Variants in ZCCHC2 observed in about 807,000 individuals in gnomAD.
The protein encoded by ZCCHC2 is zinc finger CCHC domain-containing protein 2.
Under a neutral mutation model 103.6 loss-of-function variants are expected in ZCCHC2, and 39 were observed. The observed-to-expected ratio is 0.38, with a 90% CI of 0.29 to 0.49. ZCCHC2 has a LOEUF of 0.49. ZCCHC2 is among the 20% of genes least tolerant of loss of function. The pLI is 0.96. For missense variants in ZCCHC2, 1,483 were observed against 1,491.0 expected (o/e 0.99, Z 0.09); for synonymous variants, 687 against 608.9 (o/e 1.13, Z -1.89).
At position 62,567,955 on chromosome 18, in the gene ZCCHC2, A is replaced by AAAAAAAAAAAAAAAAAAAAAAAG. The variant is rs1568555841; in HGVS notation, c.1847-2144_1847-2143insAAAAAAAAAAAAAAAAAAGAAAA. 1.3e-4 allele frequency among the ~76,000 whole-genome samples: 20 copies of AAAAAAAAAAAAAAAAAAAAAAAG among 150,154 alleles called. 1 individual carries two copies. Among genetic ancestry groups the AAAAAAAAAAAAAAAAAAAAAAAG allele is most frequent in the African/African-American group, 4.4e-4 (18 of 40,580 alleles). On this transcript the variant is annotated intron_variant, in intron 11 of 13. Transcript: ENST00000269499. ...ATGAGACTCTGTCTCAAAAAAAAAA[A>AAAAAAAAAAAAAAAAAAAAAAAG]AAAAGAATGCTCATCATTGTAGTTT...
intron 2 of ZCCHC2, among the ~76,000 whole-genome samples, chr18:62,542,027 T>C (rs1445917109): frequency 1.3e-5 from 2 of 152,184 alleles, no homozygotes; most frequent in African/African-American, 4.8e-5. Context: ...GGTATATTAC[T>C]TTTGAGTAGT....
chr18:62,523,386 C>G lies in ZCCHC2; in HGVS notation c.-39C>G, dbSNP rs1192565473. The G allele has an allele frequency of 2.0e-6, 2 of 1,002,734 alleles. No individual in the cohort carries two copies. The highest frequency in any genetic ancestry group is 2.4e-6 in the Non-Finnish European group (2 of 839,266). The allele number at this position is 1,002,734 out of a possible 1,614,324, so 62.1% of individuals were successfully genotyped here. A position where few individuals can be genotyped will look rare whatever the true frequency, so the allele number is the denominator to read the frequency against. On this transcript the variant is annotated 5_prime_UTR_variant, in exon 1 of 14. Transcript: ENST00000269499. The stretch of plus-strand genomic sequence containing the variant: ...GTGCTCCACCTCGCGGCCCCTCCCG[C>G]CCGCCCCCGCTCGCATGTCTGCGCC...
exon 15 of ZCCHC2, chr18:62,584,939 G>A (rs987294980): frequency 6.6e-6 from 1 of 152,332 alleles, no homozygotes; most frequent in Non-Finnish European, 1.5e-5. Flanking sequence ...CAGAGCCCAG[G>A]GCAGTGGCTT....
intron 8 of ZCCHC2, among the ~76,000 whole-genome samples, chr18:62,562,177 T>C (rs1431748142): frequency 6.6e-6 from 1 of 152,056 alleles, no homozygotes; most frequent in Non-Finnish European, 1.5e-5. Context: ...TTTTTTTGTA[T>C]TTTTAGTAGA....
chr18:62,569,254 A>G (rs1360706961), intron 11 of ZCCHC2, among the ~76,000 whole-genome samples: 4 of 152,218 alleles, frequency 2.6e-5, no homozygotes, highest in African/African-American at 9.6e-5. Context: ...ATTGCTCATT[A>G]TACAAATTGT....
intron 13 of ZCCHC2, 68 bp downstream of exon 13, chr18:62,575,618 T>C: frequency 6.6e-7 from 1 of 1,513,086 alleles, no homozygotes; most frequent in Non-Finnish European, 9.0e-7. Flanking sequence ...TCCTTATTGA[T>C]CATGGGATTC....
chr18:62,539,868 C>T, intron 2 of ZCCHC2, 76 bp downstream of exon 2: 2 of 1,204,556 alleles, frequency 1.7e-6, no homozygotes, highest in Non-Finnish European at 2.4e-6. Context: ...CTGATTAACT[C>T]TAAACTTTTT....
At chr18:62,527,787 T>A (rs1914500686) in intron 1 of ZCCHC2, among the ~76,000 whole-genome samples, 1 of 152,198 alleles carries the variant, frequency 6.6e-6, no homozygotes, top group Non-Finnish European at 1.5e-5. Context: ...GCTTGGTTTT[T>A]AAAATGGGTG....
chr18:62,560,722 G>T (rs960942583), intron 8 of ZCCHC2, 78 bp downstream of exon 8: 2 of 1,146,172 alleles, frequency 1.7e-6, no homozygotes, highest in African/African-American at 3.1e-5. Flanking sequence ...AATTTCTGAT[G>T]TATTTGGCTA....
intron 5 of ZCCHC2, among the ~76,000 whole-genome samples, chr18:62,550,743 A>G (rs188409924): frequency 6.6e-6 from 1 of 152,348 alleles, no homozygotes; most frequent in African/African-American, 2.4e-5. Context: ...ATACTTATTG[A>G]AAGAGGCCTT....
rs1031716023 is a variant in ZCCHC2, at chr18:62,577,304, A to G, written c.*725A>G. 1.3e-5 allele frequency: 2 copies of G among 152,448 alleles called. No homozygotes were observed. Among genetic ancestry groups the G allele is most frequent in the Non-Finnish European group, 2.9e-5 (2 of 68,054 alleles). The allele number at this position is 152,448 out of a possible 1,614,324, so 9.4% of individuals were successfully genotyped here. A position where few individuals can be genotyped will look rare whatever the true frequency, so the allele number is the denominator to read the frequency against. ...AAAAATATGACGTACGAAATGGACAAAAAGCTTTTTCTGAAACCAACTTTT... is the reference window on the plus strand; with the variant it reads ...AAAAATATGACGTACGAAATGGACAGAAAGCTTTTTCTGAAACCAACTTTT... On this transcript the variant is annotated 3_prime_UTR_variant, in exon 14 of 14. Transcript: ENST00000269499.
intron 12 of ZCCHC2, among the ~76,000 whole-genome samples, chr18:62,571,144 TCTGA>T (rs1916584652): frequency 6.6e-6 from 1 of 152,242 alleles, no homozygotes; most frequent in African/African-American, 2.4e-5. Flanking sequence ...AACAGTTGCT[TCTGA>T]CTAATTATGA....
intron 1 of ZCCHC2, chr18:62,526,350 T>A (rs957317398): frequency 6.6e-6 from 1 of 152,344 alleles, no homozygotes; most frequent in Non-Finnish European, 1.5e-5. Flanking sequence ...GACACTGGGC[T>A]ATTTCTAGAT....
At chr18:62,527,017 C>G (rs1431106120) in intron 1 of ZCCHC2, 1 of 23,810 alleles carries the variant, frequency 4.2e-5, no homozygotes, top group Non-Finnish European at 8.7e-5. Context: ...TTTCCCCCGC[C>G]CCCCCCCCCC....
chr18:62,586,670 T>G (rs1286164114), exon 15 of ZCCHC2: 1 of 152,060 alleles, frequency 6.6e-6, no homozygotes, highest in Admixed American at 6.5e-5. Context: ...TAGTGACACG[T>G]GAAAAATACA....
Position 62,565,036 on chromosome 18 carries a change from A to C in ZCCHC2, c.1786A>C (p.Ser596Arg), listed in dbSNP as rs1437343380. 6.2e-7 allele frequency: 1 copy of C among 1,613,646 alleles called. No individual in the cohort carries two copies. The highest frequency in any genetic ancestry group is 8.5e-7 in the Non-Finnish European group (1 of 1,179,630). The change falls in exon 11 of 14, where the codon AGT (serine) becomes CGT (arginine). Residue 596 changes from serine to arginine, a missense_variant. Physicochemically the swap from Ser to Arg is moderately radical, Grantham distance 110. Coordinates refer to ENST00000269499, the MANE Select transcript of ZCCHC2 (RefSeq NM_017742.6). ...KIKKTDNRLN[S>R]RINGIRLSTP... Reference sequence around the variant, plus strand: ...TAAGAAAACTGACAACAGATTGAATAGTAGAATAAATGGTATTAGACTCTC... The same window carrying C: ...TAAGAAAACTGACAACAGATTGAATCGTAGAATAAATGGTATTAGACTCTC...
intron 4 of ZCCHC2, among the ~76,000 whole-genome samples, chr18:62,549,218 C>CAA (rs111280144): frequency 7.7e-5 from 9 of 117,358 alleles, no homozygotes; most frequent in East Asian, 2.4e-4. Context: ...GACTCCGTCT[C>CAA]AAAAAAAAAA....
intron 1 of ZCCHC2, among the ~76,000 whole-genome samples, chr18:62,533,571 A>AT (rs201724073): frequency 0.011 from 1,626 of 149,988 alleles, 18 homozygotes; most frequent in African/African-American, 0.038. Context: ...CTGCTTTAAG[A>AT]TTAAGTATAT....
downstream of ZCCHC2, chr18:62,581,978 A>G (rs1259947767): frequency 1.9e-5 from 3 of 156,184 alleles, no homozygotes; most frequent in South Asian, 1.8e-4. Flanking sequence ...AAGGGGACGC[A>G]GGCTGGGCAG....
Sources: gnomAD v4.1 joint callset for allele counts (sites outside exome capture counted in the v4.1 genomes callset) on GRCh38, gnomAD v4.1.1 for gene constraint, MANE v1.5 for transcripts, NCBI Gene and HGNC (gene_info 2026-07-23, HGNC 2026-07-21) for gene names.